Variants in SPTLC2 observed in about 807,000 individuals in gnomAD.
SPTLC2 encodes the protein serine palmitoyltransferase 2.
A neutral mutation model predicts 62.0 loss-of-function variants in SPTLC2; 21 were observed. The ratio of observed to expected loss-of-function variants is 0.34; its 90% confidence interval spans 0.24 to 0.49. The LOEUF is 0.49. Among genes scored for constraint, SPTLC2 ranks in the 20% least tolerant of loss-of-function variants. SPTLC2 has a pLI of 0.99. For missense variants in SPTLC2, 511 were observed against 713.0 expected (o/e 0.72, Z 3.23); for synonymous variants, 261 against 261.8 (o/e 1.00, Z 0.03).
chr14:77,606,757 C>A (rs1017476867), intron 1 of SPTLC2, among the ~76,000 whole-genome samples: 2 of 152,066 alleles, frequency 1.3e-5, no homozygotes, highest in East Asian at 3.9e-4. Context: ...GAGGCCAAGG[C>A]GGGAGGATTG....
chr14:77,592,692 T>G (rs1439051581), intron 2 of SPTLC2, among the ~76,000 whole-genome samples: 1 of 152,172 alleles, frequency 6.6e-6, no homozygotes, highest in Non-Finnish European at 1.5e-5. Flanking sequence ...GATTATTTTG[T>G]CACCCAGGTA....
chr14:77,514,344 C>T (rs2079348417), intron 11 of SPTLC2, among the ~76,000 whole-genome samples: 1 of 152,108 alleles, frequency 6.6e-6, no homozygotes, highest in Non-Finnish European at 1.5e-5. Flanking sequence ...ACAAGATTTC[C>T]TTTGATCCCA....
chr14:77,551,888 A>C (rs1323581255), intron 9 of SPTLC2, among the ~76,000 whole-genome samples: 1 of 152,204 alleles, frequency 6.6e-6, no homozygotes, highest in African/African-American at 2.4e-5. Flanking sequence ...CCCATCTATA[A>C]ACAAGAAAAT....
intron 9 of SPTLC2, among the ~76,000 whole-genome samples, chr14:77,538,153 A>G (rs895303033): frequency 2.0e-5 from 3 of 152,210 alleles, no homozygotes; most frequent in African/African-American, 7.2e-5. Context: ...TTTACCCTCT[A>G]CGATGCTATG....
At chr14:77,546,400 A>G (rs748749787) in intron 9 of SPTLC2, among the ~76,000 whole-genome samples, 4 of 152,244 alleles carry the variant, frequency 2.6e-5, no homozygotes, top group Non-Finnish European at 4.4e-5. Flanking sequence ...TTTCATTTAT[A>G]TAGAAAGTTA....
At chr14:77,611,022 G>C (rs1187221122) in intron 1 of SPTLC2, among the ~76,000 whole-genome samples, 3 of 144,384 alleles carry the variant, frequency 2.1e-5, no homozygotes, top group Non-Finnish European at 4.5e-5. Flanking sequence ...GGCCAGGCAT[G>C]GTGGCTCAAG....
intron 8 of SPTLC2, among the ~76,000 whole-genome samples, chr14:77,554,346 T>G (rs2079571489): frequency 1.3e-5 from 2 of 152,208 alleles, no homozygotes; most frequent in South Asian, 4.1e-4. Context: ...TGTGCCACTT[T>G]TACCACTAAT....
At chr14:77,562,279 G>A in intron 6 of SPTLC2, 117 bp downstream of exon 6, 1 of 892,252 alleles carries the variant, frequency 1.1e-6, no homozygotes, top group Middle Eastern at 3.1e-4. Flanking sequence ...CATTTTAAAT[G>A]TTGCTACTTT....
At chr14:77,609,381 A>G (rs1425942455) in intron 1 of SPTLC2, among the ~76,000 whole-genome samples, 5 of 152,178 alleles carry the variant, frequency 3.3e-5, no homozygotes, top group East Asian at 1.9e-4. Flanking sequence ...ATATGGATAT[A>G]CCATATTTTA....
intron 4 of SPTLC2, among the ~76,000 whole-genome samples, chr14:77,574,716 T>C (rs1281957487): frequency 2.0e-5 from 3 of 152,184 alleles, no homozygotes; most frequent in African/African-American, 7.2e-5. Context: ...TTTGAAAATA[T>C]TGTGCTAGTG....
rs1034726324 is a variant in SPTLC2, at chr14:77,510,024, T to C, written c.*2260A>G. The C allele has an allele frequency of 3.8e-5, 15 of 398,028 alleles. No individual in the cohort carries two copies. The highest frequency in any genetic ancestry group is 6.2e-5 in the Non-Finnish European group (14 of 225,804). 24.7% of individuals were successfully genotyped at this position (398,028 alleles called of 1,614,324 possible). On this transcript the variant is annotated 3_prime_UTR_variant, in exon 12 of 12. Coordinates refer to ENST00000216484, the MANE Select transcript of SPTLC2 (RefSeq NM_004863.4). ...CAAACCCTACGTTTACATTAGTAAA[T>C]AGTAACTGCAGTGCAAAAGCTATGT...
intron 1 of SPTLC2, among the ~76,000 whole-genome samples, chr14:77,612,199 A>G (rs2299928): frequency 0.28 from 42,071 of 152,074 alleles, 6,489 homozygotes; most frequent in East Asian, 0.63. Flanking sequence ...TTCTACCAAT[A>G]AACACTGCTT....
intron 9 of SPTLC2, among the ~76,000 whole-genome samples, chr14:77,537,630 T>C (rs563423228): frequency 6.6e-6 from 1 of 152,178 alleles, no homozygotes; most frequent in South Asian, 2.1e-4. Flanking sequence ...CATTAATAAA[T>C]ATCTAGTACA....
Position 77,509,470 on chromosome 14 carries a change from A to C in SPTLC2, c.*2814T>G, listed in dbSNP as rs1327530760. 6.2e-6 allele frequency: 1 copy of C among 160,880 alleles called. No homozygotes were observed. Among genetic ancestry groups the C allele is most frequent in the Non-Finnish European group, 1.4e-5 (1 of 74,040 alleles). 10.0% of individuals were successfully genotyped at this position (160,880 alleles called of 1,614,324 possible). A position where few individuals can be genotyped will look rare whatever the true frequency, so the allele number is the denominator to read the frequency against. On this transcript the variant is annotated 3_prime_UTR_variant, in exon 12 of 12. Transcript: ENST00000216484. ...GCAATGCTGAATAAAAAGAGGAATGAGAAAAAGTGCTAAGGACTAGTCACA... is the reference window on the plus strand; with the variant it reads ...GCAATGCTGAATAAAAAGAGGAATGCGAAAAAGTGCTAAGGACTAGTCACA...
intron 9 of SPTLC2, among the ~76,000 whole-genome samples, chr14:77,529,637 T>C (rs1594972644): frequency 7.0e-6 from 1 of 141,880 alleles, no homozygotes; most frequent in South Asian, 2.3e-4. Context: ...TTTTTTTTTT[T>C]TTTTTGAGAC....
rs1594963180 is a variant in SPTLC2 at position 77,508,896 on chromosome 14, C to T, written c.*3388G>A. The stretch of plus-strand genomic sequence containing the variant: ...CCCAGCACCACCATATATTGGTTTT[C>T]TCTAGAGTTGGAATTTTAAAAATCA... On this transcript the variant is annotated 3_prime_UTR_variant, in exon 12 of 12. Coordinates refer to ENST00000216484, the MANE Select transcript of SPTLC2 (RefSeq NM_004863.4). 1 of 152,140 alleles carries T rather than the reference C, an allele frequency of 6.6e-6. No homozygotes were observed. The highest frequency in any genetic ancestry group is 1.9e-4 in the East Asian group (1 of 5,202). The allele number at this position is 152,140 out of a possible 1,614,324, so 9.4% of individuals were successfully genotyped here.
intron 1 of SPTLC2, among the ~76,000 whole-genome samples, chr14:77,607,713 T>TA (rs1319738263): frequency 1.3e-5 from 2 of 152,226 alleles, no homozygotes; most frequent in Admixed American, 1.3e-4. Context: ...TAGCTACACT[T>TA]ACATGGAGAC....
At chr14:77,581,792 T>C (rs2079752651) in intron 2 of SPTLC2, among the ~76,000 whole-genome samples, 1 of 152,174 alleles carries the variant, frequency 6.6e-6, no homozygotes, top group Admixed American at 6.5e-5. Context: ...CTATCACAAT[T>C]GGAAATTTTT....
chr14:77,612,929 T>C (rs2079945762), intron 1 of SPTLC2, among the ~76,000 whole-genome samples: 1 of 152,184 alleles, frequency 6.6e-6, no homozygotes, highest in East Asian at 1.9e-4. Flanking sequence ...CAAAACTGTC[T>C]CAAAGGTAGA....
Sources: allele counts gnomAD v4.1 joint callset (sites outside exome capture counted in the v4.1 genomes callset), GRCh38; gene constraint gnomAD v4.1.1; transcripts MANE v1.5; gene names NCBI Gene and HGNC (gene_info 2026-07-23, HGNC 2026-07-21).